Variants in DPYSL2 observed in about 807,000 individuals in gnomAD.
DPYSL2 encodes the protein dihydropyrimidinase-related protein 2.
A neutral mutation model predicts 69.9 loss-of-function variants in DPYSL2; 13 were observed. That is an observed-to-expected ratio of 0.19 (90% CI 0.12 to 0.30). The LOEUF (loss-of-function observed/expected upper bound fraction) is 0.30, where lower values mean the gene tolerates loss of function less well. Ranked by LOEUF, DPYSL2 falls within the 10% of genes least tolerant of loss-of-function variation. DPYSL2 has a pLI of 1.00. For missense variants in DPYSL2, 587 were observed against 918.9 expected, an observed-to-expected ratio of 0.64 and a Z score of 4.67; for synonymous variants, 326 against 359.1, an observed-to-expected ratio of 0.91 and a Z score of 1.04.
At chr8:26,602,771 CT>C (rs1467190324) in intron 3 of DPYSL2, among the ~76,000 whole-genome samples, 10 of 152,344 alleles carry the variant, frequency 6.6e-5, no homozygotes, top group African/African-American at 2.4e-4. Context: ...CAAAAAACTT[CT>C]TGTCTATTGG....
rs1269960533 is a variant in DPYSL2 at position 26,564,531 on chromosome 8, G to C, written c.355-17438G>C. 1.3e-5 allele frequency among the ~76,000 whole-genome samples: 2 copies of C among 152,084 alleles called. No homozygotes were observed. The highest frequency in any genetic ancestry group is 4.8e-5 in the African/African-American group (2 of 41,388). ...AGACCTAGGGAAGGAGAAAAGAGGGGTGTGTGTGATGCTCTGCTACAAATC... is the reference window on the plus strand; with the variant it reads ...AGACCTAGGGAAGGAGAAAAGAGGGCTGTGTGTGATGCTCTGCTACAAATC... On this transcript the variant is annotated intron_variant, in intron 1 of 13. Coordinates refer to ENST00000521913, the MANE Select transcript of DPYSL2 (RefSeq NM_001197293.3). This position sits in a 1 kb window ranked among gnomAD's most constrained non-coding sequence, Gnocchi z 4.8.
chr8:26,608,971 TTG>T (rs1175545637), intron 3 of DPYSL2, among the ~76,000 whole-genome samples: 2 of 152,162 alleles, frequency 1.3e-5, no homozygotes, highest in Admixed American at 6.5e-5. Flanking sequence ...TCCTCACTCA[TTG>T]TGTTTCTGAG....
rs1381256909 is a variant in DPYSL2, at chr8:26,564,880, C to T, written c.355-17089C>T. Among the ~76,000 whole-genome samples, 1 of 152,066 alleles carries T rather than the reference C, an allele frequency of 6.6e-6. No homozygotes were observed. The highest frequency in any genetic ancestry group is 1.5e-5 in the Non-Finnish European group (1 of 68,022). The stretch of plus-strand genomic sequence containing the variant: ...GTGCACCCATCACCCAAGGAGTGTA[C>T]ATTGTACCTAATGTGTAGTTTTTTT... On this transcript the variant is annotated intron_variant, in intron 1 of 13. Transcript: ENST00000521913. This position sits in a 1 kb window ranked among gnomAD's most constrained non-coding sequence, Gnocchi z 4.8.
intron 3 of DPYSL2, among the ~76,000 whole-genome samples, chr8:26,599,525 G>A (rs1426470825): frequency 6.6e-6 from 1 of 151,346 alleles, no homozygotes; most frequent in Non-Finnish European, 1.5e-5. Flanking sequence ...CTGAGTAAGA[G>A]TATCTCCCTC....
intron 1 of DPYSL2, among the ~76,000 whole-genome samples, chr8:26,556,008 TTA>T (rs200041970): frequency 0.16 from 17,145 of 106,408 alleles, 1,774 homozygotes; most frequent in African/African-American, 0.26. Flanking sequence ...ATAGTATATA[TTA>T]TATATATAAA....
At chr8:26,578,536 A>G (rs1801411837) in intron 1 of DPYSL2, 1 of 1,407,656 alleles carries the variant, frequency 7.1e-7, no homozygotes, top group Non-Finnish European at 9.2e-7. Context: ...AGCCTTAGGT[A>G]ACGCGCCAGA....
At chr8:26,606,850 G>A (rs1304563838) in intron 3 of DPYSL2, among the ~76,000 whole-genome samples, 1 of 152,144 alleles carries the variant, frequency 6.6e-6, no homozygotes, top group Non-Finnish European at 1.5e-5. Flanking sequence ...TTCTGAGGGG[G>A]GAAGAATAAA....
At chr8:26,630,057 A>G (rs1365884596) in intron 7 of DPYSL2, among the ~76,000 whole-genome samples, 1 of 152,264 alleles carries the variant, frequency 6.6e-6, no homozygotes, top group Non-Finnish European at 1.5e-5. Flanking sequence ...GCACATGTGC[A>G]CAGGCACAGA....
rs1346624720 is a variant in DPYSL2, at chr8:26,591,897, G to A, written c.628+7914G>A. Among the ~76,000 whole-genome samples, 1 of 152,168 alleles carries A rather than the reference G, an allele frequency of 6.6e-6. No homozygotes were observed. The highest frequency in any genetic ancestry group is 2.4e-5 in the African/African-American group (1 of 41,452). On this transcript the variant is annotated intron_variant, in intron 3 of 13. Transcript: ENST00000521913. The surrounding 1 kb of genome is among the most constrained non-coding windows in gnomAD (Gnocchi z 5.8). ...AGCTTGCAATGCGATTGGTCCTGGT[G>A]TAGCCTCCGTGTTGAGTTGTAGGGG...
At chr8:26,546,066 A>G (rs957293681) in intron 1 of DPYSL2, among the ~76,000 whole-genome samples, 1 of 152,242 alleles carries the variant, frequency 6.6e-6, no homozygotes, top group Non-Finnish European at 1.5e-5. Context: ...TGTCGAATGT[A>G]TAGATCCAGT....
chr8:26,598,996 CTA>C lies in DPYSL2; in HGVS notation c.628+15014_628+15015del, dbSNP rs1801932470. Reference sequence around the variant, plus strand: ...CCTTCTTGTGAAGGAAGCTCGTTCTCTACCGAAAAGCTCACTTTTCAGAGAAG... The same window carrying C: ...CCTTCTTGTGAAGGAAGCTCGTTCTCCCGAAAAGCTCACTTTTCAGAGAAG... On this transcript the variant is annotated intron_variant, in intron 3 of 13. Transcript: ENST00000521913. The surrounding 1 kb of genome is among the most constrained non-coding windows in gnomAD (Gnocchi z 4.2). 6.6e-6 allele frequency among the ~76,000 whole-genome samples: 1 copy of C among 152,240 alleles called. No individual in the cohort carries two copies.
At chr8:26,526,956 C>A (rs902407651) in intron 1 of DPYSL2, among the ~76,000 whole-genome samples, 1 of 152,240 alleles carries the variant, frequency 6.6e-6, no homozygotes, top group African/African-American at 2.4e-5. Flanking sequence ...CTCAGTGCAT[C>A]TTCTGCAGAG....
intron 1 of DPYSL2, among the ~76,000 whole-genome samples, chr8:26,553,898 C>CTTTTTTTTTT (rs35594312): frequency 8.5e-6 from 1 of 117,066 alleles, no homozygotes; most frequent in African/African-American, 3.3e-5. Flanking sequence ...TATTTTTGGG[C>CTTTTTTTTTT]TTTTTTTTTT....
rs1248092702 is a variant in DPYSL2, at chr8:26,652,872, A to G, written c.1777-360A>G. Among the ~76,000 whole-genome samples the G allele has an allele frequency of 6.6e-6, 1 of 152,210 alleles. No individual in the cohort carries two copies. The highest frequency in any genetic ancestry group is 1.5e-5 in the Non-Finnish European group (1 of 68,036). ...TGTGAAGCAGGAAAGAGATGGAGCT[A>G]TAAGGGAATTAAAAGGAGAGAATGC... is the stretch of plus-strand genomic sequence containing the variant. On this transcript the variant is annotated intron_variant, in intron 12 of 13. Transcript: ENST00000521913. This position sits in a 1 kb window ranked among gnomAD's most constrained non-coding sequence, Gnocchi z 6.3.
At chr8:26,651,169 T>G (rs908981767) in intron 11 of DPYSL2, among the ~76,000 whole-genome samples, 2 of 152,180 alleles carry the variant, frequency 1.3e-5, no homozygotes, top group Non-Finnish European at 2.9e-5. Flanking sequence ...ATGACTGCTT[T>G]GAGACTCAGA....
Position 26,600,152 on chromosome 8 carries a change from C to T in DPYSL2, c.628+16169C>T, listed in dbSNP as rs190493964. ...TATGAGTAGACCACATTTTGTTTGC[C>T]CATTCATCGATGGATGGCATTTGGG... On this transcript the variant is annotated intron_variant, in intron 3 of 13. Coordinates refer to ENST00000521913, the MANE Select transcript of DPYSL2 (RefSeq NM_001197293.3). 3.0e-3 allele frequency among the ~76,000 whole-genome samples: 464 copies of T among 152,184 alleles called. 3 individuals carry two copies. Among genetic ancestry groups the T allele is most frequent in the Non-Finnish European group, 5.5e-3 (375 of 68,024 alleles).
At chr8:26,538,441 A>AGAGCGATCCCTTGGCAT (rs564062095) in intron 1 of DPYSL2, among the ~76,000 whole-genome samples, 184 of 152,282 alleles carry the variant, frequency 1.2e-3, no homozygotes, top group African/African-American at 4.3e-3. Flanking sequence ...GTAGGTACCA[A>AGAGCGATCCCTTGGCAT]GAGCGATCCC....
chr8:26,521,988 AT>A (rs1360567827), intron 1 of DPYSL2, among the ~76,000 whole-genome samples: 3 of 152,058 alleles, frequency 2.0e-5, no homozygotes, highest in Non-Finnish European at 4.4e-5. Context: ...TGCTATTAAC[AT>A]TTTTTTACAA....
In DPYSL2 at chr8:26,564,898, GT is replaced by G. The variant is rs550240545; in HGVS notation, c.355-17062del. On this transcript the variant is annotated intron_variant, in intron 1 of 13. Transcript: ENST00000521913. The surrounding 1 kb of genome is among the most constrained non-coding windows in gnomAD (Gnocchi z 4.8). ...GAGTGTACATTGTACCTAATGTGTAGTTTTTTTTTATGCCTAGCCCCATTCC... is the reference window on the plus strand; with the variant it reads ...GAGTGTACATTGTACCTAATGTGTAGTTTTTTTTATGCCTAGCCCCATTCC... 1.1e-3 allele frequency among the ~76,000 whole-genome samples: 160 copies of G among 151,546 alleles called. No homozygotes were observed. The highest frequency in any genetic ancestry group is 8.6e-3 in the South Asian group (41 of 4,776).
Sources: gnomAD v4.1 joint callset for allele counts (sites outside exome capture counted in the v4.1 genomes callset) on GRCh38, gnomAD v4.1.1 for gene constraint, Gnocchi (gnomAD v3.1) non-coding constraint, MANE v1.5 for transcripts, NCBI Gene and HGNC (gene_info 2026-07-23, HGNC 2026-07-21) for gene names.